The following PRKCH variants were observed in gnomAD, a reference collection of about 807,000 sequenced individuals.
PRKCH encodes protein kinase C eta.
A neutral mutation model predicts 82.5 loss-of-function variants in PRKCH; 28 were observed. That is an observed-to-expected ratio of 0.34 (90% CI 0.25 to 0.47). PRKCH has a LOEUF of 0.47. Ranked by LOEUF, PRKCH falls within the 20% of genes least tolerant of loss-of-function variation. The probability of loss-of-function intolerance (pLI) is 1.00; values close to 1 mark genes in which losing one functional copy is unlikely to be tolerated. For synonymous variants in PRKCH, 322 were observed against 327.4 expected (o/e 0.98, Z 0.18); for missense variants, 705 against 881.8 (o/e 0.80, Z 2.54).
intron 1 of PRKCH, among the ~76,000 whole-genome samples, chr14:61,352,790 A>G (rs1012487548): frequency 3.3e-5 from 5 of 152,234 alleles, no homozygotes; most frequent in Non-Finnish European, 7.3e-5. Context: ...ACAGAGAGGC[A>G]TGCCTGGTAT....
chr14:61,469,883 C>T (rs997370121), intron 9 of PRKCH, among the ~76,000 whole-genome samples: 2 of 152,068 alleles, frequency 1.3e-5, no homozygotes, highest in Admixed American at 6.5e-5. Flanking sequence ...GCATAGGGCT[C>T]GCCTTCAAGC....
At position 61,453,350 on chromosome 14, in the gene PRKCH, C is replaced by T. The variant is rs779006594; in HGVS notation, c.957C>T (p.Thr319=). The T allele has an allele frequency of 1.2e-6, 2 of 1,611,780 alleles. No individual in the cohort carries two copies. Among genetic ancestry groups the T allele is most frequent in the East Asian group, 4.5e-5 (2 of 44,830 alleles). The change falls in exon 7 of 14, where the codon ACC becomes ACT. Residue 319 remains threonine, a synonymous_variant. Coordinates refer to ENST00000332981, the MANE Select transcript of PRKCH (RefSeq NM_006255.5). ...TCCAACCCGGAAATATTTCTCCAAC[C>T]TCGGTGAGACTTTGCTTTTTTTCCA... is the stretch of plus-strand genomic sequence containing the variant. ...MGLQPGNISP[T]SKLVSRSTLR...
intron 1 of PRKCH, 99 bp downstream of exon 1, chr14:61,322,563 G>A (rs1215696206): frequency 6.8e-7 from 1 of 1,466,532 alleles, no homozygotes; most frequent in East Asian, 2.3e-5. Flanking sequence ...TCGCTTTGTG[G>A]CTGAGGGAAT....
chr14:61,392,066 T>G (rs961742566), intron 2 of PRKCH, among the ~76,000 whole-genome samples: 1 of 152,184 alleles, frequency 6.6e-6, no homozygotes, highest in African/African-American at 2.4e-5. Context: ...AGAAGATTCA[T>G]ATCATTGTGT....
chr14:61,390,782 T>C (rs994639817), intron 1 of PRKCH: 1 of 156,140 alleles, frequency 6.4e-6, no homozygotes, highest in African/African-American at 2.4e-5. Flanking sequence ...CTTTATACTT[T>C]TTACTCCATA....
At chr14:61,436,922 T>C (rs1452455745) in intron 2 of PRKCH, among the ~76,000 whole-genome samples, 1 of 152,236 alleles carries the variant, frequency 6.6e-6, no homozygotes, top group Non-Finnish European at 1.5e-5. Context: ...CCTGCTCTAA[T>C]TCACCAAGTT....
At chr14:61,331,267 T>C (rs925988401) in intron 1 of PRKCH, among the ~76,000 whole-genome samples, 3 of 152,232 alleles carry the variant, frequency 2.0e-5, no homozygotes, top group Non-Finnish European at 4.4e-5. Flanking sequence ...TGTGTCCTAG[T>C]ATTTCAGAGA....
chr14:61,302,219 A>G (rs990641308), intron 1 of PRKCH, among the ~76,000 whole-genome samples: 6 of 152,256 alleles, frequency 3.9e-5, no homozygotes, highest in Non-Finnish European at 7.3e-5. Flanking sequence ...CATAAAATGT[A>G]AGCAAATACT....
At chr14:61,197,232 G>A (rs986271019) in intron 1 of PRKCH, among the ~76,000 whole-genome samples, 1 of 152,076 alleles carries the variant, frequency 6.6e-6, no homozygotes, top group African/African-American at 2.4e-5. Context: ...ATAAATAAAA[G>A]GACATATTTT....
chr14:61,293,215 T>C (rs1051632133), intron 1 of PRKCH, among the ~76,000 whole-genome samples: 2 of 152,238 alleles, frequency 1.3e-5, no homozygotes, highest in African/African-American at 2.4e-5. Context: ...CATGGACAGA[T>C]AGACCTTCCA....
intron 3 of PRKCH, among the ~76,000 whole-genome samples, 175 bp downstream of exon 3, chr14:61,443,436 T>G (rs1244604141): frequency 6.6e-6 from 1 of 152,246 alleles, no homozygotes; most frequent in Non-Finnish European, 1.5e-5. Context: ...CAAAAACATC[T>G]AAATAATTTA....
At chr14:61,380,015 A>T (rs2046480127) in intron 1 of PRKCH, among the ~76,000 whole-genome samples, 1 of 152,126 alleles carries the variant, frequency 6.6e-6, no homozygotes. Flanking sequence ...GGGACGTCTT[A>T]TCAGAGGAGA....
chr14:61,547,665 A>G (rs897275624), intron 12 of PRKCH, 78 bp from the exon 13 acceptor site: 36 of 1,533,454 alleles, frequency 2.3e-5, no homozygotes, highest in Non-Finnish European at 3.0e-5. Context: ...CTCCTCTGCC[A>G]TGGCTGATGC....
At chr14:61,506,049 T>C (rs1887132347) in intron 10 of PRKCH, among the ~76,000 whole-genome samples, 1 of 152,120 alleles carries the variant, frequency 6.6e-6, no homozygotes, top group African/African-American at 2.4e-5. Flanking sequence ...AGGTATACTT[T>C]AGTTCCACAT....
chr14:61,396,970 T>A (rs1049214337), intron 2 of PRKCH, among the ~76,000 whole-genome samples: 1 of 152,080 alleles, frequency 6.6e-6, no homozygotes, highest in Non-Finnish European at 1.5e-5. Flanking sequence ...CTAATAGAAA[T>A]GATAAGATAC....
intron 2 of PRKCH, among the ~76,000 whole-genome samples, chr14:61,400,613 T>C (rs548063439): frequency 6.6e-6 from 1 of 152,328 alleles, no homozygotes; most frequent in South Asian, 2.1e-4. Flanking sequence ...CTCCATAATA[T>C]CTAGCTCATT....
At chr14:61,488,336 A>C (rs1255490924) in intron 10 of PRKCH, among the ~76,000 whole-genome samples, 3 of 152,138 alleles carry the variant, frequency 2.0e-5, no homozygotes. Context: ...ATCAATCAAT[A>C]AATCAATAAA....
intron 2 of PRKCH, among the ~76,000 whole-genome samples, chr14:61,422,584 A>G (rs1244287920): frequency 6.6e-6 from 1 of 152,188 alleles, no homozygotes; most frequent in African/African-American, 2.4e-5. Context: ...TATGTGCTCC[A>G]GATTCCCCGG....
chr14:61,323,645 G>T (rs2045659889), intron 1 of PRKCH, among the ~76,000 whole-genome samples: 8 of 152,192 alleles, frequency 5.3e-5, no homozygotes, highest in Admixed American at 5.2e-4. Flanking sequence ...AAGATGGCTT[G>T]TGGAGCTATT....
Sources: gnomAD v4.1 joint callset for allele counts (sites outside exome capture counted in the v4.1 genomes callset) on GRCh38, gnomAD v4.1.1 for gene constraint, MANE v1.5 for transcripts, NCBI Gene and HGNC (gene_info 2026-07-23, HGNC 2026-07-21) for gene names.